The following CENPP variants were observed in gnomAD, a reference collection of about 807,000 sequenced individuals.
The protein encoded by CENPP is centromere protein P.
CENPP carries 24 observed loss-of-function variants against 35.6 expected under a neutral mutation model. The observed-to-expected ratio is 0.67, with a 90% CI of 0.49 to 0.95. CENPP has a LOEUF of 0.95. CENPP is among the 40% of genes least tolerant of loss of function. The pLI, the probability that CENPP is intolerant of heterozygous loss-of-function variation, is 0.00. For missense variants in CENPP, 332 were observed against 345.3 expected, an observed-to-expected ratio of 0.96 and a Z score of 0.31; for synonymous variants, 120 against 125.5, an observed-to-expected ratio of 0.96 and a Z score of 0.29.
intron 5 of CENPP, among the ~76,000 whole-genome samples, chr9:92,437,114 AT>A (rs1844264126): frequency 1.3e-5 from 2 of 152,174 alleles, no homozygotes; most frequent in South Asian, 4.1e-4. Flanking sequence ...TGGCAGGAGA[AT>A]CGCTCAAACC....
At chr9:92,391,223 C>T (rs1194641106) in intron 5 of CENPP, among the ~76,000 whole-genome samples, 1 of 149,874 alleles carries the variant, frequency 6.7e-6, no homozygotes. Flanking sequence ...GGTGAAACCC[C>T]ATCTCTACTA....
At chr9:92,510,200 A>G (rs577234516) in intron 5 of CENPP, among the ~76,000 whole-genome samples, 1 of 152,328 alleles carries the variant, frequency 6.6e-6, no homozygotes, top group African/African-American at 2.4e-5. Context: ...CCAGGTTGAT[A>G]TTGATCCTGG....
At chr9:92,415,167 A>G (rs199824217) in intron 5 of CENPP, 2 of 1,604,468 alleles carry the variant, frequency 1.2e-6, no homozygotes, top group Admixed American at 1.7e-5. Flanking sequence ...CTTGATTTTC[A>G]TAATAATGAA....
At chr9:92,424,770 G>T (rs569253129) in intron 5 of CENPP, among the ~76,000 whole-genome samples, 1 of 152,116 alleles carries the variant, frequency 6.6e-6, no homozygotes, top group African/African-American at 2.4e-5. Context: ...CACCTCCCGG[G>T]TTCAAGCAAT....
At chr9:92,477,066 T>C (rs149457593) in intron 5 of CENPP, among the ~76,000 whole-genome samples, 2 of 152,278 alleles carry the variant, frequency 1.3e-5, no homozygotes, top group East Asian at 1.9e-4. Context: ...GGGTGAGAGA[T>C]TGTGCTGGCA....
At chr9:92,481,286 CA>C (rs1349435464) in intron 5 of CENPP, among the ~76,000 whole-genome samples, 1 of 152,140 alleles carries the variant, frequency 6.6e-6, no homozygotes, top group East Asian at 1.9e-4. Flanking sequence ...TCCTTAATGC[CA>C]AAAAACAAAC....
Position 92,532,015 on chromosome 9 carries a change from GT to G in CENPP, c.565-79286del, listed in dbSNP as rs71362397. ...TTTTCTTTTTCTTTTTTTATTTAATGTTTTTTTTTTTTTATTTTATTTTTTT... is the reference window on the plus strand; with the variant it reads ...TTTTCTTTTTCTTTTTTTATTTAATGTTTTTTTTTTTTATTTTATTTTTTT... On this transcript the variant is annotated intron_variant, in intron 5 of 7. Transcript: ENST00000375587. Among the ~76,000 whole-genome samples the G allele has an allele frequency of 2.9e-3, 282 of 95,710 alleles. 7 individuals are homozygous for G. The highest frequency in any genetic ancestry group is 3.8e-3 in the Non-Finnish European group (194 of 51,424). The allele number at this position is 95,710 out of a possible 152,430, so 62.8% of individuals were successfully genotyped here.
Position 92,617,833 on chromosome 9 carries a change from A to G in CENPP, c.*4684A>G, listed in dbSNP as rs1338569284. 4 of 203,116 alleles carry G rather than the reference A, an allele frequency of 2.0e-5. No homozygotes were observed. The highest frequency in any genetic ancestry group is 3.0e-5 in the Non-Finnish European group (3 of 99,170). The allele number at this position is 203,116 out of a possible 1,614,324, so 12.6% of individuals were successfully genotyped here. ...ACAGTTCCAAATTCCCAAAGGGACA[A>G]AGCTCTGCAGCGACAGGAAGGCAGA... On this transcript the variant is annotated 3_prime_UTR_variant, in exon 8 of 8. Coordinates refer to ENST00000375587, the MANE Select transcript of CENPP (RefSeq NM_001012267.3).
intron 5 of CENPP, among the ~76,000 whole-genome samples, chr9:92,463,286 G>T (rs184580891): frequency 3.9e-5 from 6 of 152,284 alleles, no homozygotes; most frequent in Middle Eastern, 3.4e-3. Context: ...CTTGCCACAG[G>T]GGGTAATACT....
At chr9:92,502,761 G>T in intron 5 of CENPP, 1 of 844,540 alleles carries the variant, frequency 1.2e-6, no homozygotes, top group Non-Finnish European at 1.7e-6. Context: ...ATTATCTAAA[G>T]AGTCTTACTG....
intron 5 of CENPP, among the ~76,000 whole-genome samples, chr9:92,429,330 T>TATA (rs558912691): frequency 3.3e-5 from 5 of 152,170 alleles, no homozygotes; most frequent in Non-Finnish European, 7.3e-5. Context: ...TCATATGGCC[T>TATA]ATATGTGAAA....
chr9:92,374,241 CTGTGTGTGTGTGTGTG>C (rs10569730), intron 4 of CENPP, among the ~76,000 whole-genome samples: 27 of 142,848 alleles, frequency 1.9e-4, no homozygotes, highest in Admixed American at 7.0e-4. Context: ...TTGCTGTTTG[CTGTGTGTGTGTGTGTG>C]TGTGTGTGTG....
chr9:92,588,460 A>G (rs764175955), intron 5 of CENPP, among the ~76,000 whole-genome samples: 9 of 151,558 alleles, frequency 5.9e-5, no homozygotes, highest in Non-Finnish European at 1.0e-4. Context: ...TCACCTTGTT[A>G]GCCAGGATGG....
intron 5 of CENPP, chr9:92,414,896 C>A: frequency 3.3e-6 from 1 of 300,244 alleles, no homozygotes; most frequent in Non-Finnish European, 6.1e-6. Context: ...TTAAAAAGAG[C>A]ATAAGAAACC....
At chr9:92,374,751 G>A (rs750376676) in intron 4 of CENPP, among the ~76,000 whole-genome samples, 103 of 152,130 alleles carry the variant, frequency 6.8e-4, no homozygotes, top group Non-Finnish European at 9.4e-4. Context: ...TAAAAATACA[G>A]TGATACTTTC....
intron 5 of CENPP, among the ~76,000 whole-genome samples, chr9:92,387,160 G>A (rs1842465005): frequency 6.6e-6 from 1 of 151,824 alleles, no homozygotes; most frequent in Admixed American, 6.6e-5. Flanking sequence ...ATCACTTGAG[G>A]TCAGGAGTTC....
At chr9:92,526,518 A>G (rs540486193) in intron 5 of CENPP, among the ~76,000 whole-genome samples, 2 of 152,190 alleles carry the variant, frequency 1.3e-5, no homozygotes, top group African/African-American at 4.8e-5. Flanking sequence ...TACATCGTAA[A>G]GAACTAGAAA....
intron 5 of CENPP, among the ~76,000 whole-genome samples, chr9:92,567,085 T>C (rs909297619): frequency 6.6e-6 from 1 of 152,066 alleles, no homozygotes; most frequent in East Asian, 1.9e-4. Flanking sequence ...AATTAAGACA[T>C]TCTCAGATGA....
intron 5 of CENPP, among the ~76,000 whole-genome samples, chr9:92,537,986 T>C (rs908928403): frequency 2.0e-5 from 3 of 152,184 alleles, no homozygotes; most frequent in African/African-American, 7.2e-5. Flanking sequence ...ATGTTGATGA[T>C]ATGCTGTGTT....
Sources: allele counts gnomAD v4.1 joint callset (sites outside exome capture counted in the v4.1 genomes callset), GRCh38; gene constraint gnomAD v4.1.1; transcripts MANE v1.5; gene names NCBI Gene and HGNC (gene_info 2026-07-23, HGNC 2026-07-21).